The following ZNF804B variants were observed in gnomAD, a reference collection of about 807,000 sequenced individuals.
ZNF804B encodes zinc finger 804B.
Under a neutral mutation model 101.4 loss-of-function variants are expected in ZNF804B, and 80 were observed. That is an observed-to-expected ratio of 0.79 (90% CI 0.66 to 0.95). ZNF804B has a LOEUF of 0.95. Ranked by LOEUF, ZNF804B falls within the 40% of genes least tolerant of loss-of-function variation. The probability of loss-of-function intolerance (pLI) is 0.00; values close to 1 mark genes in which losing one functional copy is unlikely to be tolerated. For synonymous variants in ZNF804B, 622 were observed against 558.8 expected (o/e 1.11, Z -1.59); for missense variants, 1,673 against 1,561.9 (o/e 1.07, Z -1.20).
intron 1 of ZNF804B, among the ~76,000 whole-genome samples, chr7:89,062,531 T>A (rs1043691978): frequency 2.0e-5 from 3 of 152,154 alleles, no homozygotes; most frequent in Non-Finnish European, 4.4e-5. Context: ...TTTTTCTCAT[T>A]TTGACTATTA....
rs542873135 is a variant in ZNF804B at position 89,161,668 on chromosome 7, GC to G, written c.109-56486del. 6.3e-4 allele frequency among the ~76,000 whole-genome samples: 65 copies of G among 103,184 alleles called. 1 individual carries two copies. The South Asian group carries it at 0.02, about 32-fold the overall frequency. 67.7% of individuals were successfully genotyped at this position (103,184 alleles called of 152,430 possible). On this transcript the variant is annotated intron_variant, in intron 1 of 3. Coordinates refer to ENST00000333190, the MANE Select transcript of ZNF804B (RefSeq NM_181646.5). ...CCTCCCAAAGTGCTGGAATTACAAG[GC>G]ATGAACCACCACACCTGGCCTTAAT... is the stretch of plus-strand genomic sequence containing the variant.
chr7:89,291,395 A>G (rs937543471), intron 2 of ZNF804B, among the ~76,000 whole-genome samples: 2 of 152,246 alleles, frequency 1.3e-5, no homozygotes, highest in East Asian at 3.8e-4. Context: ...CAGAGAAGGA[A>G]TTCAGAATTC....
intron 1 of ZNF804B, among the ~76,000 whole-genome samples, chr7:88,851,301 T>C (rs991267310): frequency 2.0e-5 from 3 of 151,818 alleles, no homozygotes; most frequent in African/African-American, 7.3e-5. Context: ...ACAACAAACA[T>C]AAGAAACATA....
intron 1 of ZNF804B, among the ~76,000 whole-genome samples, chr7:88,992,370 C>T (rs1793860073): frequency 6.6e-6 from 1 of 152,038 alleles, no homozygotes; most frequent in Admixed American, 6.6e-5. Flanking sequence ...AATAAGCTAC[C>T]CATCTAGATT....
At chr7:88,796,739 G>A (rs996168740) in intron 1 of ZNF804B, among the ~76,000 whole-genome samples, 17 of 152,050 alleles carry the variant, frequency 1.1e-4, no homozygotes, top group African/African-American at 3.1e-4. Context: ...AGTTAGCTCA[G>A]CACCATCTAT....
At chr7:89,300,959 G>A (rs1790462901) in intron 2 of ZNF804B, among the ~76,000 whole-genome samples, 1 of 151,752 alleles carries the variant, frequency 6.6e-6, no homozygotes. Context: ...TTGGGTAGGT[G>A]TAAGCATTGC....
intron 1 of ZNF804B, among the ~76,000 whole-genome samples, chr7:89,176,008 A>C (rs1380020597): frequency 6.6e-6 from 1 of 152,022 alleles, no homozygotes; most frequent in Non-Finnish European, 1.5e-5. Flanking sequence ...TCTGAAAACA[A>C]GGATAATTTG....
chr7:89,003,538 A>G (rs114559932), intron 1 of ZNF804B, among the ~76,000 whole-genome samples: 446 of 152,076 alleles, frequency 2.9e-3, no homozygotes, highest in Middle Eastern at 0.01. Context: ...CAGAATATAG[A>G]ATTACTTTCA....
At chr7:89,060,829 A>T (rs78162358) in intron 1 of ZNF804B, among the ~76,000 whole-genome samples, 4 of 152,150 alleles carry the variant, frequency 2.6e-5, no homozygotes, top group Non-Finnish European at 5.9e-5. Context: ...TACATAAAAA[A>T]CACTGAAACT....
At chr7:89,091,711 C>A (rs541469663) in intron 1 of ZNF804B, among the ~76,000 whole-genome samples, 16 of 152,184 alleles carry the variant, frequency 1.1e-4, no homozygotes, top group Non-Finnish European at 2.4e-4. Context: ...TTCTCCCTCT[C>A]ACTGTAACCA....
At chr7:88,818,599 A>G (rs1790923110) in intron 1 of ZNF804B, among the ~76,000 whole-genome samples, 1 of 152,174 alleles carries the variant, frequency 6.6e-6, no homozygotes, top group Non-Finnish European at 1.5e-5. Context: ...AAATGCATGC[A>G]TTGGCAAATT....
intron 2 of ZNF804B, among the ~76,000 whole-genome samples, chr7:89,230,337 T>A (rs1789172125): frequency 6.7e-6 from 1 of 149,632 alleles, no homozygotes; most frequent in Non-Finnish European, 1.5e-5. Context: ...ATGAGCGAGT[T>A]AGGATAATAA....
chr7:88,781,028 A>C (rs1454385485), intron 1 of ZNF804B, among the ~76,000 whole-genome samples: 1 of 152,194 alleles, frequency 6.6e-6, no homozygotes, highest in Non-Finnish European at 1.5e-5. Context: ...GTAGTTAAGC[A>C]ACACATTTCT....
At chr7:89,114,054 G>T (rs1790271637) in intron 1 of ZNF804B, among the ~76,000 whole-genome samples, 1 of 151,986 alleles carries the variant, frequency 6.6e-6, no homozygotes, top group South Asian at 2.1e-4. Flanking sequence ...AAACAGAAGT[G>T]GTTGAAGAAT....
chr7:88,865,758 G>A (rs148304952), intron 1 of ZNF804B, among the ~76,000 whole-genome samples: 1,645 of 152,054 alleles, frequency 0.011, 21 homozygotes, highest in Non-Finnish European at 0.019. Context: ...CATCTCTTTG[G>A]TCTTGCTGTC....
intron 1 of ZNF804B, among the ~76,000 whole-genome samples, chr7:89,162,510 T>A (rs1303940597): frequency 2.6e-5 from 4 of 151,968 alleles, no homozygotes. Flanking sequence ...GGGAAAATAA[T>A]CCTAATACTT....
intron 1 of ZNF804B, among the ~76,000 whole-genome samples, chr7:88,812,973 G>A (rs1188193783): frequency 6.6e-6 from 1 of 151,762 alleles, no homozygotes; most frequent in African/African-American, 2.4e-5. Context: ...TTCTGGAGAT[G>A]TGAATGTACC....
chr7:89,082,056 C>T (rs1490283292), intron 1 of ZNF804B, among the ~76,000 whole-genome samples: 2 of 151,584 alleles, frequency 1.3e-5, no homozygotes, highest in Non-Finnish European at 3.0e-5. Flanking sequence ...AATTTTGCAA[C>T]TTAAGTTATA....
chr7:89,106,042 T>C (rs975992250), intron 1 of ZNF804B, among the ~76,000 whole-genome samples: 3 of 152,146 alleles, frequency 2.0e-5, no homozygotes, highest in African/African-American at 2.4e-5. Context: ...GGGACACCCA[T>C]GTGTTCAGCT....
Sources: gnomAD v4.1 joint callset for allele counts (sites outside exome capture counted in the v4.1 genomes callset) on GRCh38, gnomAD v4.1.1 for gene constraint, MANE v1.5 for transcripts, NCBI Gene and HGNC (gene_info 2026-07-23, HGNC 2026-07-21) for gene names.